CLEC4A: variants seen among roughly 807,000 people sequenced by gnomAD.
The protein encoded by CLEC4A is C-type lectin domain family 4 member A, also known as C-type (calcium dependent, carbohydrate-recognition domain) lectin, superfamily member 6.
A neutral mutation model predicts 32.7 loss-of-function variants in CLEC4A; 27 were observed. The ratio of observed to expected loss-of-function variants is 0.83; its 90% CI spans 0.61 to 1.14. The LOEUF (loss-of-function observed/expected upper bound fraction) is 1.14, where lower values mean the gene tolerates loss of function less well. CLEC4A is among the 50% of genes most tolerant of loss of function. The pLI is 0.00. For synonymous variants in CLEC4A, 89 were observed against 93.7 expected (o/e 0.95, Z 0.29); for missense variants, 253 against 274.6 (o/e 0.92, Z 0.55).
In CLEC4A at chr12:8,130,138, A is replaced by G. The variant is rs145500040; in HGVS notation, c.298+776A>G. Among the ~76,000 whole-genome samples, 3 of 152,314 alleles carry G rather than the reference A, an allele frequency of 2.0e-5. 1 individual carries two copies. Among genetic ancestry groups the G allele is most frequent in the Non-Finnish European group, 4.4e-5 (3 of 68,018 alleles). ...GGCGTGAGCCACGGTGCCTGGTCCT[A>G]AAATTCGTATATGTACTCATATATC... On this transcript the variant is annotated intron_variant, in intron 3 of 5. Coordinates refer to ENST00000229332, the MANE Select transcript of CLEC4A (RefSeq NM_016184.4).
chr12:8,110,471 A>G, the CLEC4A span, among the ~76,000 whole-genome samples: 1 of 152,174 alleles, frequency 6.6e-6, no homozygotes, highest in Non-Finnish European at 1.5e-5. Flanking sequence ...GCACTATTTC[A>G]TACTACAGTG....
chr12:8,124,799 C>T (rs796092396), intron 1 of CLEC4A, among the ~76,000 whole-genome samples: 6 of 152,152 alleles, frequency 3.9e-5, no homozygotes, highest in African/African-American at 1.4e-4. Flanking sequence ...AAAAAATTAA[C>T]CAGAGGTACA....
chr12:8,125,345 A>T (rs1024599561), intron 1 of CLEC4A, among the ~76,000 whole-genome samples: 1 of 152,200 alleles, frequency 6.6e-6, no homozygotes, highest in Non-Finnish European at 1.5e-5. Context: ...CATAACAGTT[A>T]TCCTCAATTG....
the CLEC4A span, among the ~76,000 whole-genome samples, chr12:8,103,383 T>G: frequency 1.8e-5 from 2 of 109,418 alleles, no homozygotes; most frequent in Admixed American, 1.0e-4. Context: ...GTTGTTTTTT[T>G]TTTTTTTTTT....
At chr12:8,129,145 C>A in intron 2 of CLEC4A, 119 bp from the exon 3 acceptor site, 1 of 627,012 alleles carries the variant, frequency 1.6e-6, no homozygotes, top group Non-Finnish European at 2.8e-6. Context: ...TCTTTTCCCT[C>A]TACTCCAGTA....
At position 8,123,901 on chromosome 12, in the gene CLEC4A, C is replaced by T; in HGVS notation, c.23C>T (p.Ala8Val). 6.2e-7 allele frequency: 1 copy of T among 1,612,392 alleles called. No individual in the cohort carries two copies. The change falls in exon 1 of 6, where the codon GCT (alanine) becomes GTT (valine). Residue 8 changes from alanine to valine, a missense_variant. Ala to Val is a moderately conservative substitution (Grantham distance 64). Transcript: ENST00000229332. The stretch of plus-strand genomic sequence containing the variant: ...ATTATGACTTCGGAAATCACTTATG[C>T]TGAAGTGAGGTTCAAAAATGAATTC... MTSEITY[A>V]EVRFKNEFKS...
chr12:8,134,995 TA>T (rs200802001), intron 3 of CLEC4A: 3,793 of 226,442 alleles, frequency 0.017, 420 homozygotes, highest in Non-Finnish European at 0.024. Flanking sequence ...TGTTTTTTTT[TA>T]ATCATGGCTG....
In CLEC4A at chr12:8,138,536, A is replaced by T. The variant is rs1207546380; in HGVS notation, c.*249A>T. The T allele has an allele frequency of 5.9e-6, 2 of 340,716 alleles. No individual in the cohort carries two copies. The highest frequency in any genetic ancestry group is 1.1e-5 in the Non-Finnish European group (2 of 188,598). 21.1% of individuals were successfully genotyped at this position (340,716 alleles called of 1,614,324 possible). ...CCCATTGTGCACACATGGAGAGAAC[A>T]TGAGTCTCTCTTAATTTTTATCTGG... On this transcript the variant is annotated 3_prime_UTR_variant, in exon 6 of 6. Transcript: ENST00000229332.
the CLEC4A span, among the ~76,000 whole-genome samples, chr12:8,104,665 T>A: frequency 6.6e-6 from 1 of 152,176 alleles, no homozygotes; most frequent in Non-Finnish European, 1.5e-5. Flanking sequence ...ATATACAGAT[T>A]ATTTTGTCGC....
intron 2 of CLEC4A, among the ~76,000 whole-genome samples, chr12:8,128,969 T>C (rs1947946448): frequency 6.6e-6 from 1 of 152,112 alleles, no homozygotes; most frequent in African/African-American, 2.4e-5. Flanking sequence ...TTTATTGCCC[T>C]GCATCCCCCC....
At chr12:8,112,582 C>T in the CLEC4A span, among the ~76,000 whole-genome samples, 2 of 150,622 alleles carry the variant, frequency 1.3e-5, no homozygotes, top group African/African-American at 2.4e-5. Flanking sequence ...TATTTACTAT[C>T]TTTTTTTTTC....
chr12:8,105,922 T>C, the CLEC4A span, among the ~76,000 whole-genome samples: 1 of 152,236 alleles, frequency 6.6e-6, no homozygotes, highest in African/African-American at 2.4e-5. Context: ...TTTGTTTTTG[T>C]CATAATTGGT....
At chr12:8,134,866 C>A in intron 3 of CLEC4A, 1 of 1,517,432 alleles carries the variant, frequency 6.6e-7, no homozygotes, top group South Asian at 1.2e-5. Flanking sequence ...AAGGAAGGCG[C>A]CCCAAGCATG....
chr12:8,136,631 A>G (rs1196599795), intron 4 of CLEC4A, among the ~76,000 whole-genome samples, 157 bp from the exon 5 acceptor site: 1 of 151,740 alleles, frequency 6.6e-6, no homozygotes, highest in East Asian at 1.9e-4. Context: ...GATGTCTTTG[A>G]TTCTGCCCTG....
At chr12:8,103,013 GA>G in the CLEC4A span, among the ~76,000 whole-genome samples, 2 of 151,580 alleles carry the variant, frequency 1.3e-5, no homozygotes, top group African/African-American at 4.8e-5. Context: ...TTTTGTTTGG[GA>G]AAAAAAATGT....
chr12:8,138,002 G>A, intron 5 of CLEC4A, 138 bp from the exon 6 acceptor site: 1 of 874,940 alleles, frequency 1.1e-6, no homozygotes, highest in Non-Finnish European at 1.7e-6. Context: ...GAAGCTGCAT[G>A]ATGAGTAGCA....
At chr12:8,135,047 CTTTTTTTT>C (rs1187858911) in intron 3 of CLEC4A, among the ~76,000 whole-genome samples, 1 of 9,028 alleles carries the variant, frequency 1.1e-4, no homozygotes, top group South Asian at 0.013. Context: ...ATTTTATTAT[CTTTTTTTT>C]TTTTTTTTTT....
At chr12:8,121,590 A>T (rs915957829), upstream of CLEC4A, 5 of 152,612 alleles carry the variant, frequency 3.3e-5, no homozygotes, top group African/African-American at 1.2e-4. Flanking sequence ...TGAGAAGAAC[A>T]TCCCTTAGGG....
At chr12:8,109,868 C>A in the CLEC4A span, among the ~76,000 whole-genome samples, 2 of 152,036 alleles carry the variant, frequency 1.3e-5, no homozygotes, top group Admixed American at 6.6e-5. Context: ...GACAGGAGTT[C>A]TTTTTTTATT....
Sources: gnomAD v4.1 joint callset for allele counts (sites outside exome capture counted in the v4.1 genomes callset) on GRCh38, gnomAD v4.1.1 for gene constraint, MANE v1.5 for transcripts, NCBI Gene and HGNC (gene_info 2026-07-23, HGNC 2026-07-21) for gene names.